MAGEA11: variants seen among roughly 807,000 people sequenced by gnomAD.
MAGEA11 encodes the protein melanoma-associated antigen 11.
MAGEA11 carries 1 observed loss-of-function variant against 8.4 expected under a neutral mutation model. That is an observed-to-expected ratio of 0.12 (90% CI 0.04 to 0.57). The LOEUF (loss-of-function observed/expected upper bound fraction) is 0.57, where lower values mean the gene tolerates loss of function less well. Ranked by LOEUF, MAGEA11 falls within the 20% of genes least tolerant of loss-of-function variation. The probability of loss-of-function intolerance (pLI) is 0.91; values close to 1 mark genes in which losing one functional copy is unlikely to be tolerated. For missense variants in MAGEA11, 209 were observed against 317.3 expected (o/e 0.66, Z 2.59); for synonymous variants, 127 against 119.3 (o/e 1.06, Z -0.42).
intron 1 of MAGEA11, 55 bp from the exon 2 acceptor site, chrX:149,713,088 G>T: frequency 1.2e-6 from 1 of 821,330 alleles, no homozygotes. Flanking sequence ...CAGCACCCCA[G>T]AACAGCCCCC....
upstream of MAGEA11, among the ~76,000 whole-genome samples, chrX:149,710,871 A>G (rs782752576): frequency 8.9e-6 from 1 of 111,993 alleles, no homozygotes; most frequent in South Asian, 3.7e-4. Flanking sequence ...ATATCAAAAA[A>G]GAAATCTAAA....
intron 1 of MAGEA11, among the ~76,000 whole-genome samples, chrX:149,704,382 G>T (rs1316225087): frequency 1.8e-5 from 2 of 112,655 alleles, no homozygotes; most frequent in Non-Finnish European, 3.7e-5. Context: ...AGACATTAAA[G>T]AGTTAAGTGG....
At chrX:149,689,354 G>A (rs1170197738) in intron 1 of MAGEA11, among the ~76,000 whole-genome samples, 4 of 111,841 alleles carry the variant, frequency 3.6e-5, no homozygotes, top group South Asian at 3.8e-4. Context: ...AGGGCTGAAA[G>A]CAATATTAGG....
chrX:149,691,393 C>T (rs2090309991), intron 1 of MAGEA11, among the ~76,000 whole-genome samples: 3 of 111,497 alleles, frequency 2.7e-5, no homozygotes, highest in African/African-American at 9.8e-5. Flanking sequence ...CAAAATTGGT[C>T]ATTGTGATTG....
chrX:149,706,603 A>G (rs998711833), intron 1 of MAGEA11, among the ~76,000 whole-genome samples: 7 of 112,494 alleles, frequency 6.2e-5, no homozygotes, highest in African/African-American at 9.7e-5. Context: ...TCTGAACCAT[A>G]ATACTTTGGA....
intron 1 of MAGEA11, among the ~76,000 whole-genome samples, chrX:149,702,428 C>G (rs986392071): frequency 9.0e-6 from 1 of 110,542 alleles, no homozygotes; most frequent in Non-Finnish European, 1.9e-5. Flanking sequence ...CTTTCTTTTT[C>G]TCTAGTAACA....
intron 1 of MAGEA11, among the ~76,000 whole-genome samples, chrX:149,701,888 G>A (rs367869879): frequency 2.5e-4 from 28 of 111,469 alleles, no homozygotes; most frequent in Admixed American, 1.2e-3. Flanking sequence ...GATATGCGGC[G>A]TTATTTCTGA....
rs2090426067 is a variant in MAGEA11 at position 149,716,185 on chromosome X, G to C, written c.699G>C (p.Leu233Phe). The C allele has an allele frequency of 2.5e-6, 3 of 1,211,671 alleles. No individual in the cohort carries two copies. The South Asian group carries it at 5.3e-5, about 21-fold the overall frequency. Reference protein sequence around the residue: ...HDKIIDLVHLLLRKYRVKGLI... With the variant: ...HDKIIDLVHLFLRKYRVKGLI... Reference sequence around the variant, plus strand: ...AGATAATTGATTTGGTTCATTTATTGCTCCGCAAGTATCGAGTCAAGGGGC... The same window carrying C: ...AGATAATTGATTTGGTTCATTTATTCCTCCGCAAGTATCGAGTCAAGGGGC... The change falls in exon 5 of 5, where the codon TTG (leucine) becomes TTC (phenylalanine). Residue 233 changes from leucine (L) to phenylalanine (F), a missense_variant. By Grantham distance (22) the Leu-to-Phe change is conservative. Around this residue, in one of 2 missense-constraint regions of MAGEA11, gnomAD observed 78 missense variants for 178.8 expected, o/e 0.44. Coordinates refer to ENST00000355220, the MANE Select transcript of MAGEA11 (RefSeq NM_005366.5).
At chrX:149,691,515 CA>C (rs1458545072) in intron 1 of MAGEA11, among the ~76,000 whole-genome samples, 1 of 111,545 alleles carries the variant, frequency 9.0e-6, no homozygotes, top group Non-Finnish European at 1.9e-5. Context: ...AAAATAGTGG[CA>C]TTTTTTTCAA....
chrX:149,715,979 G>C lies in MAGEA11; in HGVS notation c.493G>C (p.Ala165Pro), dbSNP rs1557362445. The change falls in exon 5 of 5, where the codon GCT (alanine) becomes CCT (proline). Residue 165 changes from alanine to proline, a missense_variant. Transcript: ENST00000355220. ...TGTGGGCACTCTAGAGGAGTTGCCTGCTGCTGAGTCACCAAGTCCTCCCCA... is the reference window on the plus strand; with the variant it reads ...TGTGGGCACTCTAGAGGAGTTGCCTCCTGCTGAGTCACCAAGTCCTCCCCA... The part of the protein sequence containing the change: ...LNVGTLEELP[A>P]AESPSPPQSP... 1.7e-6 allele frequency: 2 copies of C among 1,209,449 alleles called. No homozygotes were observed. Among genetic ancestry groups the C allele is most frequent in the African/African-American group, 3.5e-5 (2 of 57,016 alleles).
At chrX:149,699,624 C>T (rs934389093) in intron 1 of MAGEA11, among the ~76,000 whole-genome samples, 6 of 111,604 alleles carry the variant, frequency 5.4e-5, no homozygotes, top group Non-Finnish European at 1.1e-4. Context: ...CTGGTAAGCA[C>T]GTATGTACAG....
chrX:149,714,379 C>T (rs1287434985), intron 2 of MAGEA11, 102 bp from the exon 3 acceptor site: 1 of 1,106,811 alleles, frequency 9.0e-7, no homozygotes, highest in African/African-American at 1.8e-5. Context: ...CTTTGGAATC[C>T]CCAGAACCGA....
intron 1 of MAGEA11, among the ~76,000 whole-genome samples, chrX:149,703,034 C>A (rs1245564840): frequency 2.7e-5 from 3 of 111,429 alleles, no homozygotes; most frequent in Non-Finnish European, 5.6e-5. Context: ...AGGATTCCCA[C>A]AGGATAAGAG....
chrX:149,699,242 T>C (rs1415424167), intron 1 of MAGEA11, among the ~76,000 whole-genome samples: 1 of 112,103 alleles, frequency 8.9e-6, no homozygotes, highest in African/African-American at 3.2e-5. Flanking sequence ...ACCCAATTTC[T>C]CCCTCTTGTC....
chrX:149,716,106 C>G lies in MAGEA11; in HGVS notation c.620C>G (p.Thr207Ser). 1.7e-6 allele frequency: 2 copies of G among 1,210,314 alleles called. No individual in the cohort carries two copies. Among genetic ancestry groups the G allele is most frequent in the Middle Eastern group, 2.3e-4 (1 of 4,351 alleles). The change falls in exon 5 of 5, where the codon ACC becomes AGC. Residue 207 changes from threonine to serine, a missense_variant. By Grantham distance (58) the Thr-to-Ser change is moderately conservative. Transcript: ENST00000355220. ...SGSQEKEGPS[T>S]SPDLIDPESF... ...AGCCAAGAAAAGGAGGGGCCAAGTACCTCGCCTGACCTGATAGACCCTGAG... is the reference window on the plus strand; with the variant it reads ...AGCCAAGAAAAGGAGGGGCCAAGTAGCTCGCCTGACCTGATAGACCCTGAG...
At chrX:149,710,998 T>C (rs2090397853), upstream of MAGEA11, among the ~76,000 whole-genome samples, 1 of 110,979 alleles carries the variant, frequency 9.0e-6, no homozygotes, top group African/African-American at 3.3e-5. Flanking sequence ...ATGTTTAAAA[T>C]TCTGCCCCTA....
rs1182645841 is a variant in MAGEA11 at position 149,702,965 on chromosome X, C to T, written c.10-11516C>T. On this transcript the variant is annotated intron_variant, in intron 1 of 3. Coordinates refer to the MAGEA11 transcript ENST00000333104. ...CACATACAGTTCCATTCTCTCCCTA[C>T]TTCTTTGTGTTGCTATTGTCATACA... Among the ~76,000 whole-genome samples the T allele has an allele frequency of 3.6e-5, 4 of 111,639 alleles. No homozygotes were observed. The East Asian group carries it at 1.1e-3, about 31-fold the overall frequency.
chrX:149,712,480 C>T (rs368438936), intron 1 of MAGEA11, among the ~76,000 whole-genome samples: 8 of 112,131 alleles, frequency 7.1e-5, no homozygotes, highest in African/African-American at 2.6e-4. Flanking sequence ...AAAGGACCTC[C>T]GGGCTTGGTA....
intron 1 of MAGEA11, among the ~76,000 whole-genome samples, chrX:149,699,298 C>T (rs1027777626): frequency 3.6e-5 from 4 of 111,887 alleles, no homozygotes; most frequent in Non-Finnish European, 7.5e-5. Context: ...ATTTGGAGCT[C>T]TGAAGCAAAG....
Sources: gnomAD v4.1 joint callset for allele counts (sites outside exome capture counted in the v4.1 genomes callset) on GRCh38, gnomAD v4.1.1 for gene constraint, gnomAD v4.1.1 regional missense constraint, MANE v1.5 for transcripts, NCBI Gene and HGNC (gene_info 2026-07-23, HGNC 2026-07-21) for gene names.